Variants in PPP2R5E observed in about 807,000 individuals in gnomAD.
The protein encoded by PPP2R5E is serine/threonine-protein phosphatase 2A 56 kDa regulatory subunit epsilon isoform.
Under a neutral mutation model 65.3 loss-of-function variants are expected in PPP2R5E, and 4 were observed. That is an observed-to-expected ratio of 0.06 (90% CI 0.03 to 0.14). The LOEUF (loss-of-function observed/expected upper bound fraction) is 0.14, where lower values mean the gene tolerates loss of function less well. Ranked by LOEUF, PPP2R5E falls within the 10% of genes least tolerant of loss-of-function variation. The probability of loss-of-function intolerance (pLI) is 1.00; values close to 1 mark genes in which losing one functional copy is unlikely to be tolerated. For synonymous variants in PPP2R5E, 183 were observed against 187.4 expected, an observed-to-expected ratio of 0.98 and a Z score of 0.19; for missense variants, 274 against 556.1, an observed-to-expected ratio of 0.49 and a Z score of 5.10.
chr14:63,418,210 T>C (rs146135020), intron 4 of PPP2R5E, among the ~76,000 whole-genome samples: 86 of 152,292 alleles, frequency 5.6e-4, no homozygotes, highest in Middle Eastern at 3.4e-3. Flanking sequence ...CAGTTTTACA[T>C]ACAGAATGTC....
At chr14:63,476,051 T>C (rs1236466372) in intron 2 of PPP2R5E, among the ~76,000 whole-genome samples, 1 of 152,190 alleles carries the variant, frequency 6.6e-6, no homozygotes, top group East Asian at 1.9e-4. Context: ...AGGATTATGA[T>C]ACTTAAATCT....
At chr14:63,446,249 C>A (rs1240971770) in intron 3 of PPP2R5E, among the ~76,000 whole-genome samples, 3 of 152,128 alleles carry the variant, frequency 2.0e-5, no homozygotes, top group Non-Finnish European at 4.4e-5. Flanking sequence ...CTATTGAAGT[C>A]GAAGCTCTCA....
At chr14:63,506,134 T>C (rs1892160727) in intron 2 of PPP2R5E, among the ~76,000 whole-genome samples, 1 of 151,974 alleles carries the variant, frequency 6.6e-6, no homozygotes. Context: ...ACCCAGAATA[T>C]AAAAAGAATT....
In PPP2R5E at chr14:63,537,882, G is replaced by C. The variant is rs559518397; in HGVS notation, c.157+1647C>G. ...ATAGTTTCCACACTATAAAAGCTAT[G>C]TTCTGATATTTTTCAAACAACACCT... On this transcript the variant is annotated intron_variant, in intron 2 of 13. Transcript: ENST00000337537. Among the ~76,000 whole-genome samples, 5 of 152,256 alleles carry C rather than the reference G, an allele frequency of 3.3e-5. No homozygotes were observed. In the South Asian group the frequency reaches 8.3e-4, roughly 25 times the overall value.
intron 2 of PPP2R5E, among the ~76,000 whole-genome samples, chr14:63,523,102 G>A (rs1205658714): frequency 6.8e-6 from 1 of 148,110 alleles, no homozygotes; most frequent in Non-Finnish European, 1.5e-5. Flanking sequence ...TCAGCCCCCC[G>A]CCCGGCCAGC....
intron 5 of PPP2R5E, among the ~76,000 whole-genome samples, chr14:63,397,835 C>A (rs1439637748): frequency 6.6e-6 from 1 of 151,292 alleles, no homozygotes; most frequent in African/African-American, 2.4e-5. Flanking sequence ...GCAAGCAATT[C>A]TCCTGTCTCA....
At chr14:63,405,545 T>A (rs1465247491) in intron 5 of PPP2R5E, among the ~76,000 whole-genome samples, 1 of 152,170 alleles carries the variant, frequency 6.6e-6, no homozygotes, top group Non-Finnish European at 1.5e-5. Context: ...TAAATAGCAA[T>A]CTCCAGCAGT....
intron 2 of PPP2R5E, among the ~76,000 whole-genome samples, chr14:63,528,936 TATATC>T (rs1423729722): frequency 2.6e-5 from 4 of 152,044 alleles, no homozygotes; most frequent in Non-Finnish European, 4.4e-5. Context: ...GGAGGGGAGA[TATATC>T]AGACAAGTGA....
chr14:63,448,787 CAAAAA>C (rs36096050), intron 3 of PPP2R5E, among the ~76,000 whole-genome samples: 2 of 86,598 alleles, frequency 2.3e-5, no homozygotes, highest in Admixed American at 1.4e-4. Context: ...AAGACTTCGT[CAAAAA>C]AAAAAAAAAA....
At position 63,424,397 on chromosome 14, in the gene PPP2R5E, T is replaced by C. The variant is rs149069574; in HGVS notation, c.355-2303A>G. Among the ~76,000 whole-genome samples the C allele has an allele frequency of 1.9e-4, 29 of 152,076 alleles. No individual in the cohort carries two copies. In the East Asian group the frequency reaches 5.6e-3, roughly 29 times the overall value. On this transcript the variant is annotated intron_variant, in intron 3 of 13. Transcript: ENST00000337537. ...GAGACATATAAGACTCAGCAGCATA[T>C]AGATAATACTTAAAGCCACCAGACC...
chr14:63,500,778 A>C (rs1298978810), intron 2 of PPP2R5E, among the ~76,000 whole-genome samples: 2 of 152,036 alleles, frequency 1.3e-5, no homozygotes, highest in African/African-American at 2.4e-5. Context: ...AGGCAGGAGG[A>C]TCTCTCGAGC....
chr14:63,457,046 G>A (rs546207355), intron 2 of PPP2R5E, among the ~76,000 whole-genome samples: 1 of 152,152 alleles, frequency 6.6e-6, no homozygotes, highest in African/African-American at 2.4e-5. Context: ...AACAATTTAG[G>A]AAAGTTTTAT....
chr14:63,496,546 A>T (rs1891580420), intron 2 of PPP2R5E, among the ~76,000 whole-genome samples: 2 of 152,050 alleles, frequency 1.3e-5, no homozygotes, highest in South Asian at 4.1e-4. Flanking sequence ...TTGAACCATA[A>T]CCCATCAATA....
At chr14:63,531,990 A>G (rs2139760273) in intron 2 of PPP2R5E, among the ~76,000 whole-genome samples, 1 of 152,276 alleles carries the variant, frequency 6.6e-6, no homozygotes, top group Admixed American at 6.5e-5. Flanking sequence ...AGATGCCTGA[A>G]GAACACACAT....
At chr14:63,462,508 G>A (rs1240328684) in intron 2 of PPP2R5E, among the ~76,000 whole-genome samples, 1 of 152,130 alleles carries the variant, frequency 6.6e-6, no homozygotes, top group Admixed American at 6.5e-5. Context: ...TCAAGCACTT[G>A]CTACATTATA....
At chr14:63,490,340 C>T (rs1033873873) in intron 2 of PPP2R5E, among the ~76,000 whole-genome samples, 16 of 151,930 alleles carry the variant, frequency 1.1e-4, no homozygotes, top group African/African-American at 3.9e-4. Context: ...TAGAATAAAA[C>T]GTAGGAAATA....
At chr14:63,531,026 A>G (rs1187070423) in intron 2 of PPP2R5E, among the ~76,000 whole-genome samples, 1 of 152,236 alleles carries the variant, frequency 6.6e-6, no homozygotes, top group Non-Finnish European at 1.5e-5. Flanking sequence ...AGTGAATGAA[A>G]TTATCTCTTC....
At chr14:63,388,286 G>A (rs1018067307) in intron 11 of PPP2R5E, among the ~76,000 whole-genome samples, 13 of 151,820 alleles carry the variant, frequency 8.6e-5, no homozygotes, top group East Asian at 1.9e-4. Context: ...GATTACAGGC[G>A]CCCGCCACCA....
At chr14:63,499,739 A>G (rs936528355) in intron 2 of PPP2R5E, among the ~76,000 whole-genome samples, 11 of 152,222 alleles carry the variant, frequency 7.2e-5, no homozygotes, top group African/African-American at 1.7e-4. Context: ...AAAAAAAAAA[A>G]AAAGAAAGAA....
Sources: gnomAD v4.1 joint callset for allele counts (sites outside exome capture counted in the v4.1 genomes callset) on GRCh38, gnomAD v4.1.1 for gene constraint, MANE v1.5 for transcripts, NCBI Gene and HGNC (gene_info 2026-07-23, HGNC 2026-07-21) for gene names.